Variants in ACAP2 observed in about 807,000 individuals in gnomAD.
The protein encoded by ACAP2 is arf-GAP with coiled-coil, ANK repeat and PH domain-containing protein 2.
In ACAP2, 39 loss-of-function variants were observed where a neutral mutation model predicts 115.8. That is an observed-to-expected ratio of 0.34 (90% CI 0.26 to 0.44). The LOEUF is 0.44. Ranked by LOEUF, ACAP2 falls within the 20% of genes least tolerant of loss-of-function variation. The probability of loss-of-function intolerance (pLI) is 1.00; values close to 1 mark genes in which losing one functional copy is unlikely to be tolerated. For synonymous variants in ACAP2, 289 were observed against 315.8 expected (o/e 0.92, Z 0.90); for missense variants, 662 against 927.6 (o/e 0.71, Z 3.72).
At position 195,362,224 on chromosome 3, in the gene ACAP2, G is replaced by A. The variant is rs182584802; in HGVS notation, c.286-16907C>T. Among the ~76,000 whole-genome samples, 64 of 151,320 alleles carry A rather than the reference G, an allele frequency of 4.2e-4. 1 individual carries two copies. The East Asian group carries it at 0.01, about 24-fold the overall frequency. ...CCAGCTACTCAGGAGGCTGAGGCAG[G>A]AGAATTGATTGAACCTCGGAGACAG... On this transcript the variant is annotated intron_variant, in intron 4 of 22. Transcript: ENST00000326793.
At chr3:195,328,282 G>A (rs1229033164) in intron 8 of ACAP2, among the ~76,000 whole-genome samples, 1 of 152,046 alleles carries the variant, frequency 6.6e-6, no homozygotes, top group Non-Finnish European at 1.5e-5. Context: ...CACATTTTAA[G>A]TTATATTTTT....
intron 1 of ACAP2, among the ~76,000 whole-genome samples, chr3:195,433,338 T>C (rs144506720): frequency 4.9e-4 from 74 of 152,352 alleles, no homozygotes; most frequent in African/African-American, 1.6e-3. Context: ...CCATGATTGA[T>C]TGACTCACAA....
chr3:195,440,415 T>C (rs904523769), intron 1 of ACAP2, among the ~76,000 whole-genome samples: 2 of 152,272 alleles, frequency 1.3e-5, no homozygotes, highest in Non-Finnish European at 2.9e-5. Flanking sequence ...GGTGAAATTT[T>C]CATCAGCAAG....
intron 4 of ACAP2, among the ~76,000 whole-genome samples, chr3:195,378,228 G>C (rs938386840): frequency 1.3e-5 from 2 of 152,134 alleles, no homozygotes; most frequent in African/African-American, 4.8e-5. Flanking sequence ...TGCAGTGGCT[G>C]ACGCCTGTAA....
chr3:195,417,042 CCTG>C (rs929592625), intron 1 of ACAP2, among the ~76,000 whole-genome samples: 13 of 150,886 alleles, frequency 8.6e-5, no homozygotes, highest in Admixed American at 7.9e-4. Context: ...CGCCTGAATA[CCTG>C]GGACTACAGC....
At chr3:195,407,932 A>C (rs1365885134) in intron 1 of ACAP2, among the ~76,000 whole-genome samples, 1 of 152,190 alleles carries the variant, frequency 6.6e-6, no homozygotes, top group African/African-American at 2.4e-5. Flanking sequence ...TTTTTTTAAA[A>C]AGAAGACTCA....
rs1322785841 is a variant in ACAP2, at chr3:195,307,331, G to A, written c.910-8C>T. The A allele has an allele frequency of 3.2e-6, 5 of 1,575,376 alleles. No individual in the cohort carries two copies. The South Asian group carries it at 4.7e-5, about 15-fold the overall frequency. ...TACCACAGTCGGATTATCCTATAGT[G>A]AGGAAACCAAATTTCCATATTTTTC... On this transcript the variant is annotated splice_region_variant and splice_polypyrimidine_tract_variant and intron_variant, in intron 11 of 22. Transcript: ENST00000326793.
At chr3:195,410,831 A>G (rs1172808504) in intron 1 of ACAP2, 1 of 163,670 alleles carries the variant, frequency 6.1e-6, no homozygotes, top group African/African-American at 2.4e-5. Flanking sequence ...GCCTTCATGA[A>G]TGGATTAGTG....
intron 20 of ACAP2, among the ~76,000 whole-genome samples, chr3:195,289,902 G>C (rs533375826): frequency 6.7e-6 from 1 of 150,076 alleles, no homozygotes; most frequent in South Asian, 2.1e-4. Context: ...TGAAAATGAA[G>C]AAAGCCAAGG....
chr3:195,350,107 A>ACATATACTATT (rs1330998230), intron 4 of ACAP2: 3 of 154,974 alleles, frequency 1.9e-5, no homozygotes, highest in African/African-American at 7.2e-5. Flanking sequence ...TTTGAGTAAC[A>ACATATACTATT]CATATACTAT....
intron 6 of ACAP2, among the ~76,000 whole-genome samples, chr3:195,342,204 T>C (rs1396777460): frequency 6.6e-6 from 1 of 152,148 alleles, no homozygotes; most frequent in Non-Finnish European, 1.5e-5. Context: ...GAGAATAACA[T>C]ATAGCAACTA....
intron 5 of ACAP2, 37 bp downstream of exon 5, chr3:195,345,222 A>AGTTAATTTT: frequency 7.2e-7 from 1 of 1,379,618 alleles, no homozygotes; most frequent in Non-Finnish European, 1.0e-6. Flanking sequence ...ATCATTAACT[A>AGTTAATTTT]GTTAATTTTC....
At chr3:195,442,273 T>A (rs1560378443) in intron 1 of ACAP2, 1 of 153,294 alleles carries the variant, frequency 6.5e-6, no homozygotes, top group Non-Finnish European at 1.5e-5. Flanking sequence ...GAAGTCGGCG[T>A]CCCAGTTCGC....
chr3:195,370,776 CCTGT>C (rs1217783255), intron 4 of ACAP2, among the ~76,000 whole-genome samples: 4 of 151,912 alleles, frequency 2.6e-5, no homozygotes, highest in Non-Finnish European at 4.4e-5. Context: ...ATGGCAAAAC[CCTGT>C]CTTATACTAA....
At chr3:195,397,106 G>A (rs1373402358) in intron 1 of ACAP2, among the ~76,000 whole-genome samples, 2 of 152,148 alleles carry the variant, frequency 1.3e-5, no homozygotes, top group Non-Finnish European at 2.9e-5. Context: ...TATTCAAAAT[G>A]TGCAGATTTT....
chr3:195,407,975 T>C (rs1020155313), intron 1 of ACAP2, among the ~76,000 whole-genome samples: 3 of 152,116 alleles, frequency 2.0e-5, no homozygotes, highest in Non-Finnish European at 2.9e-5. Context: ...AATGGGGACA[T>C]TATTACCAAT....
At position 195,409,833 on chromosome 3, in the gene ACAP2, G is replaced by A. The variant is rs976581890; in HGVS notation, c.54-17686C>T. 1.0e-4 allele frequency among the ~76,000 whole-genome samples: 14 copies of A among 135,314 alleles called. No homozygotes were observed. The East Asian group carries it at 2.4e-3, about 23-fold the overall frequency. 88.8% of individuals were successfully genotyped at this position (135,314 alleles called of 152,430 possible). On this transcript the variant is annotated intron_variant, in intron 1 of 22. Transcript: ENST00000326793. Reference sequence around the variant, plus strand: ...AGATGTTGCAGTGAACCAAGATTGCGCCACTGCACTCCAGCCTGGGTAACA... The same window carrying A: ...AGATGTTGCAGTGAACCAAGATTGCACCACTGCACTCCAGCCTGGGTAACA...
chr3:195,424,261 G>GTGTGTA (rs1456909404), intron 1 of ACAP2, among the ~76,000 whole-genome samples: 9 of 54,674 alleles, frequency 1.6e-4, no homozygotes, highest in African/African-American at 5.4e-4. Flanking sequence ...GTGTGTGTGT[G>GTGTGTA]TATATATATA....
intron 16 of ACAP2, among the ~76,000 whole-genome samples, chr3:195,296,757 A>G (rs933707388): frequency 4.6e-5 from 7 of 152,318 alleles, no homozygotes; most frequent in African/African-American, 1.7e-4. Context: ...TTAGTTCTTC[A>G]ATATTATAAT....
Sources: allele counts gnomAD v4.1 joint callset (sites outside exome capture counted in the v4.1 genomes callset), GRCh38; gene constraint gnomAD v4.1.1; transcripts MANE v1.5; gene names NCBI Gene and HGNC (gene_info 2026-07-23, HGNC 2026-07-21).